Variants in AKNAD1 observed in about 807,000 individuals in gnomAD.
AKNAD1 encodes the protein AKNA domain containing 1.
AKNAD1 carries 67 observed loss-of-function variants against 90.8 expected under a neutral mutation model. The observed-to-expected ratio is 0.74, with a 90% CI of 0.61 to 0.90. The LOEUF (loss-of-function observed/expected upper bound fraction) is 0.90, where lower values mean the gene tolerates loss of function less well. AKNAD1 is among the 40% of genes least tolerant of loss of function. AKNAD1 has a pLI of 0.00. For synonymous variants in AKNAD1, 327 were observed against 341.4 expected, an observed-to-expected ratio of 0.96 and a Z score of 0.46; for missense variants, 957 against 975.4, an observed-to-expected ratio of 0.98 and a Z score of 0.25.
At chr1:108,837,469 T>G in intron 7 of AKNAD1, 81 bp downstream of exon 7, 1 of 1,300,710 alleles carries the variant, frequency 7.7e-7, no homozygotes, top group Non-Finnish European at 1.1e-6. Context: ...TGGAATTCAG[T>G]GAATCCATGA....
intron 11 of AKNAD1, among the ~76,000 whole-genome samples, chr1:108,826,374 G>C (rs1417264491): frequency 6.6e-6 from 1 of 151,680 alleles, no homozygotes; most frequent in African/African-American, 2.4e-5. Context: ...CTGAGCAGAG[G>C]CCTCCAGCCC....
chr1:108,833,694 A>T (rs114923088), intron 9 of AKNAD1, among the ~76,000 whole-genome samples: 1 of 151,200 alleles, frequency 6.6e-6, no homozygotes, highest in Admixed American at 6.6e-5. Flanking sequence ...ATTTAAAAAA[A>T]AAGGGTTTTT....
chr1:108,851,967 G>T lies in AKNAD1; in HGVS notation c.698C>A (p.Pro233His), dbSNP rs1289448234. The T allele has an allele frequency of 1.2e-6, 2 of 1,614,012 alleles. No individual in the cohort carries two copies. Among genetic ancestry groups the T allele is most frequent in the South Asian group, 2.2e-5 (2 of 91,082 alleles). ...DKQKSYQGQSPQKQQTEKANS... is the reference protein window; with the variant it reads ...DKQKSYQGQSHQKQQTEKANS... ...TGCTTTTTCAGTCTGCTGTTTCTGG[G>T]GTGACTGCCCTTGATAACTTTTTTG... The change falls in exon 2 of 16, where the codon CCC becomes CAC. Residue 233 changes from proline to histidine, a missense_variant. Transcript: ENST00000370001.
intron 14 of AKNAD1, among the ~76,000 whole-genome samples, chr1:108,818,562 C>T (rs573479575): frequency 6.6e-6 from 1 of 152,258 alleles, no homozygotes; most frequent in South Asian, 2.1e-4. Context: ...TATGTATGGA[C>T]TCAGTCCTCA....
chr1:108,823,072 T>C, intron 13 of AKNAD1: 2 of 643,950 alleles, frequency 3.1e-6, no homozygotes, highest in East Asian at 5.4e-5. Context: ...ATCCAGTAAG[T>C]CATTTATTTG....
chr1:108,841,011 A>G (rs1664534931), intron 6 of AKNAD1, among the ~76,000 whole-genome samples: 1 of 152,060 alleles, frequency 6.6e-6, no homozygotes, highest in Non-Finnish European at 1.5e-5. Flanking sequence ...TCTTTACTAA[A>G]AATATGAAAA....
intron 10 of AKNAD1, among the ~76,000 whole-genome samples, chr1:108,829,428 A>T (rs933223479): frequency 2.6e-5 from 4 of 152,226 alleles, no homozygotes; most frequent in Non-Finnish European, 5.9e-5. Flanking sequence ...TACTTTCATT[A>T]TACTTAGTAA....
intron 7 of AKNAD1, 150 bp from the exon 8 acceptor site, chr1:108,835,206 A>G: frequency 1.2e-6 from 1 of 822,910 alleles, no homozygotes; most frequent in Non-Finnish European, 1.8e-6. Context: ...CTCTTTACCT[A>G]GCTGTCTTCT....
intron 7 of AKNAD1, among the ~76,000 whole-genome samples, chr1:108,835,392 T>G (rs1460846114): frequency 6.6e-6 from 1 of 152,180 alleles, no homozygotes; most frequent in Non-Finnish European, 1.5e-5. Flanking sequence ...AGTACGTTAC[T>G]TATATTAACT....
chr1:108,857,240 C>T (rs1452738870), upstream of AKNAD1: 1 of 152,644 alleles, frequency 6.6e-6, no homozygotes, highest in Non-Finnish European at 1.5e-5. Context: ...CACTTCAGGC[C>T]AGTCCCTGAG....
rs1003411592 is a variant in AKNAD1, at chr1:108,817,231, T to G, written c.2250-54A>C. The G allele has an allele frequency of 5.6e-6, 9 of 1,605,934 alleles. No homozygotes were observed. In the African/African-American group the frequency reaches 8.0e-5, roughly 14 times the overall value. On this transcript the variant is annotated intron_variant, in intron 14 of 15. Transcript: ENST00000370001. ...TGTCAAGCGCCACCCTCAAGCACACTCCTGTTCACGTCAGCTCTGTGGTAG... is the reference window on the plus strand; with the variant it reads ...TGTCAAGCGCCACCCTCAAGCACACGCCTGTTCACGTCAGCTCTGTGGTAG...
At chr1:108,821,845 CTCT>C (rs553038432) in intron 13 of AKNAD1, among the ~76,000 whole-genome samples, 3,099 of 151,910 alleles carry the variant, frequency 0.02, 113 homozygotes, top group African/African-American at 0.071. Context: ...TTCCCTTTCC[CTCT>C]TCTTCTTCTT....
intron 5 of AKNAD1, among the ~76,000 whole-genome samples, chr1:108,844,505 A>G (rs549508761): frequency 6.6e-6 from 1 of 152,258 alleles, no homozygotes; most frequent in South Asian, 2.1e-4. Flanking sequence ...TGCAACTTAA[A>G]TCAGGCATAA....
chr1:108,842,531 T>G (rs1404308105), intron 6 of AKNAD1, among the ~76,000 whole-genome samples: 3 of 152,184 alleles, frequency 2.0e-5, no homozygotes, highest in African/African-American at 4.8e-5. Flanking sequence ...CAGAAATCAT[T>G]TAACTTTAAG....
intron 14 of AKNAD1, among the ~76,000 whole-genome samples, chr1:108,819,124 T>G (rs1557823150): frequency 6.6e-6 from 1 of 152,144 alleles, no homozygotes; most frequent in Non-Finnish European, 1.5e-5. Context: ...CTTAAATAGC[T>G]CTTGAATGAA....
At chr1:108,824,416 T>C (rs1663927646) in intron 11 of AKNAD1, among the ~76,000 whole-genome samples, 1 of 147,030 alleles carries the variant, frequency 6.8e-6, no homozygotes, top group African/African-American at 2.4e-5. Flanking sequence ...AGACTCATTT[T>C]TAACATTAAA....
chr1:108,834,212 C>T (rs936068704), intron 9 of AKNAD1, among the ~76,000 whole-genome samples: 10 of 152,146 alleles, frequency 6.6e-5, no homozygotes, highest in African/African-American at 2.2e-4. Context: ...TTCATAGGCT[C>T]GGAGAAGTTG....
At chr1:108,843,676 T>C (rs114068301) in intron 5 of AKNAD1, among the ~76,000 whole-genome samples, 2,343 of 152,286 alleles carry the variant, frequency 0.015, 52 homozygotes, top group African/African-American at 0.054. Context: ...TTATCCCACT[T>C]TTACAAAGGA....
intron 9 of AKNAD1, among the ~76,000 whole-genome samples, chr1:108,832,591 A>G (rs975018653): frequency 7.2e-5 from 11 of 152,278 alleles, no homozygotes; most frequent in Admixed American, 6.5e-4. Flanking sequence ...TGATATAATG[A>G]AGTTCTCAAC....
Sources: allele counts gnomAD v4.1 joint callset (sites outside exome capture counted in the v4.1 genomes callset), GRCh38; gene constraint gnomAD v4.1.1; transcripts MANE v1.5; gene names NCBI Gene and HGNC (gene_info 2026-07-23, HGNC 2026-07-21).